PCDHA8: variants seen among roughly 807,000 people sequenced by gnomAD.
PCDHA8 encodes the protein protocadherin alpha 8, also known as protocadherin alpha-8.
PCDHA8 carries 53 observed loss-of-function variants against 61.8 expected under a neutral mutation model. The observed-to-expected ratio is 0.86, with a 90% CI of 0.69 to 1.08. The LOEUF (loss-of-function observed/expected upper bound fraction) is 1.08, where lower values mean the gene tolerates loss of function less well. PCDHA8 is among the 50% of genes least tolerant of loss of function. PCDHA8 has a pLI of 0.00. For missense variants in PCDHA8, 1,293 were observed against 1,245.0 expected, an observed-to-expected ratio of 1.04 and a Z score of -0.58; for synonymous variants, 618 against 556.6, an observed-to-expected ratio of 1.11 and a Z score of -1.55.
At position 140,856,269 on chromosome 5, in the gene PCDHA8, T is replaced by C. The variant is rs367902357; in HGVS notation, c.2394+12554T>C. On this transcript the variant is annotated intron_variant, in intron 1 of 3. Transcript: ENST00000531613. ...GCGTCCAAAAGACACGGGGACCTTC[T>C]GGAGGTAAATCTGCAGAATGGCATT... 5.2e-5 allele frequency: 83 copies of C among 1,598,182 alleles called. 3 individuals are homozygous for C. In the South Asian group the frequency reaches 5.5e-4, roughly 11 times the overall value.
intron 3 of PCDHA8, among the ~76,000 whole-genome samples, chr5:140,986,365 C>T (rs530102099): frequency 2.0e-5 from 3 of 152,194 alleles, no homozygotes; most frequent in Non-Finnish European, 2.9e-5. Flanking sequence ...TGGAGGAATG[C>T]GTTTTGGGGG....
At chr5:140,870,993 A>G in intron 1 of PCDHA8, 1 of 1,613,424 alleles carries the variant, frequency 6.2e-7, no homozygotes, top group South Asian at 1.1e-5. Context: ...CGGGCGAGAT[A>G]AGCACAACGC....
chr5:140,863,248 G>C (rs782700291), intron 1 of PCDHA8: 8 of 1,396,066 alleles, frequency 5.7e-6, no homozygotes, highest in Middle Eastern at 1.9e-4. Context: ...TTTGGCGGGC[G>C]TCGAGGTCCG....
chr5:140,949,679 T>A (rs246046), intron 1 of PCDHA8, among the ~76,000 whole-genome samples: 85,531 of 151,538 alleles, frequency 0.56, 24,739 homozygotes, highest in African/African-American at 0.69. Context: ...ATGCCCTTGT[T>A]GAAGCGTATT....
intron 1 of PCDHA8, among the ~76,000 whole-genome samples, chr5:140,940,207 G>C (rs1554213216): frequency 2.6e-5 from 4 of 152,094 alleles, no homozygotes; most frequent in Non-Finnish European, 5.9e-5. Context: ...TAAAATTCAA[G>C]ATTGGCATTT....
At chr5:140,910,099 T>G (rs1554194123) in intron 1 of PCDHA8, among the ~76,000 whole-genome samples, 1 of 152,230 alleles carries the variant, frequency 6.6e-6, no homozygotes, top group African/African-American at 2.4e-5. Context: ...CAGCCTCCCC[T>G]TCATTTAAGG....
intron 3 of PCDHA8, among the ~76,000 whole-genome samples, chr5:140,985,666 A>G (rs547448150): frequency 1.3e-5 from 2 of 151,942 alleles, no homozygotes; most frequent in South Asian, 4.2e-4. Flanking sequence ...GAATAAAGGA[A>G]GTGGGGCCTG....
intron 1 of PCDHA8, chr5:140,848,244 GA>G (rs1299433066): frequency 2.9e-5 from 13 of 449,890 alleles, no homozygotes; most frequent in Non-Finnish European, 5.1e-5. Context: ...AAGTTTTGCA[GA>G]ATAACTGTGA....
intron 1 of PCDHA8, chr5:140,881,515 A>T (rs574115987): frequency 4.8e-6 from 1 of 207,066 alleles, no homozygotes; most frequent in Admixed American, 6.5e-5. Context: ...CACATACAAA[A>T]TCCCACACAT....
chr5:140,961,915 G>T (rs1393178053), intron 1 of PCDHA8, among the ~76,000 whole-genome samples: 4 of 146,912 alleles, frequency 2.7e-5, no homozygotes, highest in Non-Finnish European at 4.5e-5. Context: ...ATGGAGTCTC[G>T]CTCTGTTGCC....
intron 3 of PCDHA8, among the ~76,000 whole-genome samples, chr5:141,007,422 G>C (rs190866782): frequency 7.0e-6 from 1 of 143,592 alleles, no homozygotes; most frequent in Non-Finnish European, 1.5e-5. Flanking sequence ...AAAAAAATTA[G>C]CCAGGCATGG....
At chr5:140,882,072 T>C in intron 1 of PCDHA8, 2 of 861,580 alleles carry the variant, frequency 2.3e-6, no homozygotes, top group South Asian at 1.9e-5. Context: ...TTCATGCGCA[T>C]GGTGTCGCTC....
At chr5:140,911,057 TG>T (rs1554194586) in intron 1 of PCDHA8, among the ~76,000 whole-genome samples, 1 of 151,474 alleles carries the variant, frequency 6.6e-6, no homozygotes, top group Non-Finnish European at 1.5e-5. Context: ...TGGTGGGGGG[TG>T]GGTCCTGAGG....
intron 3 of PCDHA8, among the ~76,000 whole-genome samples, chr5:140,998,973 G>A (rs572810777): frequency 1.3e-5 from 2 of 152,352 alleles, no homozygotes; most frequent in African/African-American, 2.4e-5. Flanking sequence ...TAGTATCCTA[G>A]AAAATAGTAG....
In PCDHA8 at chr5:140,967,289, C is replaced by A. The variant is rs782440125; in HGVS notation, c.2395-11660C>A. ...CTTTCACATAGAGAGTGCGCAGGAC[C>A]CCGACGTGGGCGCCAACTCAGTACA... On this transcript the variant is annotated intron_variant, in intron 1 of 3. Transcript: ENST00000531613. 3 of 1,612,910 alleles carry A rather than the reference C, an allele frequency of 1.9e-6. No homozygotes were observed. The East Asian group carries it at 6.7e-5, about 36-fold the overall frequency.
At chr5:140,863,601 A>G (rs781889102) in intron 1 of PCDHA8, 1 of 355,024 alleles carries the variant, frequency 2.8e-6, no homozygotes, top group Non-Finnish European at 5.6e-6. Flanking sequence ...TTTCATTCCT[A>G]TTAATGTCCC....
intron 1 of PCDHA8, chr5:140,862,568 C>A: frequency 2.1e-6 from 1 of 480,650 alleles, no homozygotes; most frequent in African/African-American, 2.0e-5. Context: ...AACCACAATG[C>A]CCTGGCGTTC....
intron 1 of PCDHA8, chr5:140,967,281 C>G: frequency 2.5e-6 from 4 of 1,613,102 alleles, no homozygotes; most frequent in Non-Finnish European, 3.4e-6. Flanking sequence ...ATAGAGAGTG[C>G]GCAGGACCCC....
intron 1 of PCDHA8, among the ~76,000 whole-genome samples, chr5:140,940,877 T>G (rs2092697297): frequency 2.0e-5 from 3 of 152,378 alleles, no homozygotes; most frequent in East Asian, 3.9e-4. Flanking sequence ...GAGTGAATAC[T>G]ACTGCTAGTA....
Sources: allele counts gnomAD v4.1 joint callset (sites outside exome capture counted in the v4.1 genomes callset), GRCh38; gene constraint gnomAD v4.1.1; transcripts MANE v1.5; gene names NCBI Gene and HGNC (gene_info 2026-07-23, HGNC 2026-07-21).